The following ZNF668 variants were observed in gnomAD, a reference collection of about 807,000 sequenced individuals.
ZNF668 encodes zinc finger protein 668.
ZNF668 carries 10 observed loss-of-function variants against 40.3 expected under a neutral mutation model. That is an observed-to-expected ratio of 0.25 (90% CI 0.15 to 0.42). ZNF668 has a LOEUF of 0.42. Among genes scored for constraint, ZNF668 ranks in the 10% least tolerant of loss-of-function variants. ZNF668 has a pLI of 1.00. For synonymous variants in ZNF668, 428 were observed against 384.6 expected (o/e 1.11, Z -1.32); for missense variants, 749 against 904.6 (o/e 0.83, Z 2.21).
intron 1 of ZNF668, among the ~76,000 whole-genome samples, chr16:31,070,054 G>A (rs1451054137): frequency 2.0e-5 from 3 of 152,036 alleles, no homozygotes; most frequent in African/African-American, 7.2e-5. Flanking sequence ...GATTACAGGC[G>A]TGAGCCACTG....
chr16:31,064,289 C>T lies in ZNF668; in HGVS notation c.171G>A (p.Lys57=). 1 of 1,613,814 alleles carries T rather than the reference C, an allele frequency of 6.2e-7. No homozygotes were observed. The highest frequency in any genetic ancestry group is 8.5e-7 in the Non-Finnish European group (1 of 1,180,032). The stretch of plus-strand genomic sequence containing the variant: ...CCTTAGCTTCTGTCTCTGGCTTTGG[C>T]TTCACCTCGGCCACCTCTTCAGAGC... ...ADCSEEVAEV[K]PKPETEAKAE... is the part of the protein sequence containing the mutation. The change falls in exon 2 of 3, where the codon AAG becomes AAA. Residue 57 remains lysine, a synonymous_variant. Transcript: ENST00000300849.
At position 31,066,169 on chromosome 16, in the gene ZNF668, T is replaced by C; in HGVS notation, c.-22-1688A>G. 3 of 985,322 alleles carry C rather than the reference T, an allele frequency of 3.0e-6. No individual in the cohort carries two copies. In the South Asian group the frequency reaches 1.4e-4, roughly 46 times the overall value. 61.0% of individuals were successfully genotyped at this position (985,322 alleles called of 1,614,324 possible). ...CCCCAACCCCATGCAGCCGGTCTTC[T>C]CCCAAAAGTAATGAATGATGTTTCC... On this transcript the variant is annotated intron_variant, in intron 1 of 2. Coordinates refer to ENST00000300849, the MANE Select transcript of ZNF668 (RefSeq NM_024706.5).
chr16:31,064,059 T>A lies in ZNF668; in HGVS notation c.401A>T (p.His134Leu), dbSNP rs1297333397. 6.2e-7 allele frequency: 1 copy of A among 1,604,446 alleles called. No individual in the cohort carries two copies. The highest frequency in any genetic ancestry group is 8.5e-7 in the Non-Finnish European group (1 of 1,174,550). ...ACAGCGGAAGGGCAGTTCGCCAGCG[T>A]GCGAGGCCAGGTGCACGCGCAGGCA... ...PVCLRVHLAS[H>L]AGELPFRCAH... is the part of the protein sequence containing the mutation. Residue 134 changes from histidine to leucine, a missense_variant, in exon 2 of 3, where the codon CAC becomes CTC. Around this residue, in one of 4 missense-constraint regions of ZNF668, gnomAD observed 151 missense variants for 178.6 expected, o/e 0.85. Coordinates refer to ENST00000300849, the MANE Select transcript of ZNF668 (RefSeq NM_024706.5).
rs756495400 is a variant in ZNF668, at chr16:31,064,141, T to TGTGGCTGCGCCC, written c.307_318dup (p.Gly103_His106dup). ...GGGCACGGAAAGGGCTTCTCCCCCG[T>TGTGGCTGCGCCC]GTGGCTGCGCCCGTGGCTGCGCAGC... On this transcript the variant is annotated inframe_insertion, in exon 2 of 3. Transcript: ENST00000300849. 1.2e-6 allele frequency: 2 copies of TGTGGCTGCGCCC among 1,607,898 alleles called. No individual in the cohort carries two copies. Among genetic ancestry groups the TGTGGCTGCGCCC allele is most frequent in the Non-Finnish European group, 1.7e-6 (2 of 1,178,608 alleles).
Position 31,061,142 on chromosome 16 carries a change from C to A in ZNF668, c.1786G>T (p.Val596Leu). 2 of 1,512,580 alleles carry A rather than the reference C, an allele frequency of 1.3e-6. No individual in the cohort carries two copies. Among genetic ancestry groups the A allele is most frequent in the Non-Finnish European group, 1.8e-6 (2 of 1,132,342 alleles). The allele number at this position is 1,512,580 out of a possible 1,614,324, so 93.7% of individuals were successfully genotyped here. ...AGGGGTGTGGGGGTCCCCATGGGCA[C>A]AGGGTGGGTGCGTTCATGCTTGCGC... ...DLRKHERTHPVPMGTPTPLEP... is the reference protein window; with the variant it reads ...DLRKHERTHPLPMGTPTPLEP... Residue 596 changes from valine (V) to leucine (L), a missense_variant, in exon 3 of 3, where the codon GTG becomes TTG. Transcript: ENST00000300849. The surrounding 1 kb of genome is among the most constrained non-coding windows in gnomAD (Gnocchi z 7.7).
At chr16:31,066,455 G>T in intron 1 of ZNF668, 1 of 826,112 alleles carries the variant, frequency 1.2e-6, no homozygotes, top group Non-Finnish European at 1.5e-6. Context: ...TACGTGGGAG[G>T]CTGAGGCGGG....
intron 1 of ZNF668, among the ~76,000 whole-genome samples, chr16:31,070,293 C>T (rs976558300): frequency 2.3e-4 from 35 of 151,472 alleles, no homozygotes; most frequent in African/African-American, 7.8e-4. Flanking sequence ...CTGCAACCTC[C>T]GCCTCCCGGG....
chr16:31,066,293 C>T (rs1045849725), intron 1 of ZNF668: 19 of 985,334 alleles, frequency 1.9e-5, no homozygotes, highest in Non-Finnish European at 2.2e-5. Context: ...TCACTGGAGC[C>T]CCACTTCCAC....
chr16:31,066,874 GATA>G (rs2056984788), intron 1 of ZNF668, among the ~76,000 whole-genome samples: 1 of 152,040 alleles, frequency 6.6e-6, no homozygotes, highest in Non-Finnish European at 1.5e-5. Context: ...GAGTCTGCCT[GATA>G]ATGTTCCTCC....
chr16:31,068,240 A>AAAAAAAAAAAAAAATATATC (rs58239340), intron 1 of ZNF668, among the ~76,000 whole-genome samples: 1 of 68,830 alleles, frequency 1.5e-5, no homozygotes, highest in Non-Finnish European at 2.5e-5. Context: ...AAAAAAAAAA[A>AAAAAAAAAAAAAAATATATC]TATATATATA....
At chr16:31,069,147 T>G (rs780130622) in intron 1 of ZNF668, 1 of 152,052 alleles carries the variant, frequency 6.6e-6, no homozygotes, top group Non-Finnish European at 1.5e-5. Context: ...AAGACCAATA[T>G]CTTTTCCATG....
In ZNF668 at chr16:31,061,903, T is replaced by C. The variant is rs1323728633; in HGVS notation, c.1025A>G (p.Asp342Gly). Residue 342 changes from aspartate (D) to glycine (G), a missense_variant, in exon 3 of 3, where the codon GAC becomes GGC. Coordinates refer to ENST00000300849, the MANE Select transcript of ZNF668 (RefSeq NM_024706.5). This position sits in a 1 kb window ranked among gnomAD's most constrained non-coding sequence, Gnocchi z 7.7. ...GDRPFKCLQC[D>G]KTFVASWDLK... is the part of the protein sequence containing the mutation. ...GTCCCAGGACGCCACGAACGTCTTG[T>C]CACATTGCAGGCACTTGAACGGCCG... 3 of 1,613,174 alleles carry C rather than the reference T, an allele frequency of 1.9e-6. No homozygotes were observed. The highest frequency in any genetic ancestry group is 1.7e-6 in the Non-Finnish European group (2 of 1,179,614).
chr16:31,068,128 G>A (rs965729648), intron 1 of ZNF668, among the ~76,000 whole-genome samples: 14 of 149,222 alleles, frequency 9.4e-5, no homozygotes, highest in Non-Finnish European at 2.1e-4. Context: ...CTTCCCAGGG[G>A]AAAAGGTAGG....
chr16:31,062,465 AGACCTGTCTCT>A (rs2056939257), intron 2 of ZNF668, 185 bp from the exon 3 acceptor site: 2 of 810,928 alleles, frequency 2.5e-6, no homozygotes, highest in South Asian at 3.9e-5. Flanking sequence ...TCTATTCCAA[AGACCTGTCTCT>A]GCACATTAAA....
In ZNF668 at chr16:31,074,094, A is replaced by T. The variant is rs1475668626; in HGVS notation, c.-458T>A. 1 of 152,246 alleles carries T rather than the reference A, an allele frequency of 6.6e-6. No homozygotes were observed. The highest frequency in any genetic ancestry group is 1.5e-5 in the Non-Finnish European group (1 of 68,048). 9.4% of individuals were successfully genotyped at this position (152,246 alleles called of 1,614,324 possible). On this transcript the variant is annotated 5_prime_UTR_variant, in exon 1 of 3. An upstream start codon of the reference 5' UTR is lost. Coordinates refer to ENST00000300849, the MANE Select transcript of ZNF668 (RefSeq NM_024706.5). ...GAGTGGGTTTCACGAAGTTTTCTCCATCTGCCTTGGGAAAAGTCCTCCAGA... is the reference window on the plus strand; with the variant it reads ...GAGTGGGTTTCACGAAGTTTTCTCCTTCTGCCTTGGGAAAAGTCCTCCAGA...
intron 1 of ZNF668, among the ~76,000 whole-genome samples, chr16:31,071,754 A>G (rs7197717): frequency 6.6e-6 from 1 of 151,940 alleles, no homozygotes; most frequent in South Asian, 2.1e-4. Flanking sequence ...AGTGACCAGC[A>G]CCCCTCCTCT....
rs780907315 is a variant in ZNF668 at position 31,064,361 on chromosome 16, G to A, written c.99C>T (p.Asn33=). ...KCLSCTKTFP[N]APRAARHAAT... is the part of the protein sequence containing the mutation. ...CAGCGTGGCGCGCTGCCCTGGGCGC[G>A]TTTGGAAATGTCTTGGTACAGGACA... The change falls in exon 2 of 3, where the codon AAC becomes AAT. Residue 33 remains asparagine, a synonymous_variant. Transcript: ENST00000300849. The A allele has an allele frequency of 6.2e-6, 10 of 1,613,854 alleles. No individual in the cohort carries two copies. The highest frequency in any genetic ancestry group is 2.2e-5 in the South Asian group (2 of 91,088).
At chr16:31,065,795 A>G (rs1361343030) in intron 1 of ZNF668, among the ~76,000 whole-genome samples, 1 of 151,754 alleles carries the variant, frequency 6.6e-6, no homozygotes. Context: ...CGGAGCTTGC[A>G]GTGAGCCAAG....
rs528368320 is a variant in ZNF668 at position 31,066,266 on chromosome 16, CA to C, written c.-22-1786del. The C allele has an allele frequency of 3.9e-4, 385 of 985,436 alleles. No homozygotes were observed. In the African/African-American group the frequency reaches 6.2e-3, roughly 16 times the overall value. The allele number at this position is 985,436 out of a possible 1,614,324, so 61.0% of individuals were successfully genotyped here. A position where few individuals can be genotyped will look rare whatever the true frequency, so the allele number is the denominator to read the frequency against. On this transcript the variant is annotated intron_variant, in intron 1 of 2. Transcript: ENST00000300849. ...ATCCCCAGGTCCTTCCTGCTTGTTC[CA>C]AATCTGACAAGTCCTTCACTGGAGC...
Sources: allele counts gnomAD v4.1 joint callset (sites outside exome capture counted in the v4.1 genomes callset), GRCh38; gene constraint gnomAD v4.1.1; regional missense constraint gnomAD v4.1.1; non-coding constraint Gnocchi (gnomAD v3.1); transcripts MANE v1.5; gene names NCBI Gene and HGNC (gene_info 2026-07-23, HGNC 2026-07-21).